The following HPS5 variants were observed in gnomAD, a reference collection of about 807,000 sequenced individuals.
HPS5 encodes the protein HPS5 biogenesis of lysosomal organelles complex 2 subunit 2.
HPS5 carries 83 observed loss-of-function variants against 128.0 expected under a neutral mutation model. The ratio of observed to expected loss-of-function variants is 0.65; its 90% CI spans 0.54 to 0.78. HPS5 has a LOEUF of 0.78. Among genes scored for constraint, HPS5 ranks in the 30% least tolerant of loss-of-function variants. The probability of loss-of-function intolerance (pLI) is 0.00; values close to 1 mark genes in which losing one functional copy is unlikely to be tolerated. For synonymous variants in HPS5, 475 were observed against 470.2 expected (o/e 1.01, Z -0.13); for missense variants, 1,281 against 1,326.2 (o/e 0.97, Z 0.53).
chr11:18,300,794 T>G, intron 9 of HPS5, 34 bp downstream of exon 9: 21 of 1,089,810 alleles, frequency 1.9e-5, no homozygotes, highest in Non-Finnish European at 2.7e-5. Context: ...TTCATAAGCA[T>G]GAGATTAAAA....
chr11:18,310,612 C>T, intron 5 of HPS5, 129 bp downstream of exon 5: 3 of 764,872 alleles, frequency 3.9e-6, no homozygotes, highest in Non-Finnish European at 6.4e-6. Flanking sequence ...TCCTCAAAAT[C>T]TCCAGGTTTG....
intron 21 of HPS5, among the ~76,000 whole-genome samples, chr11:18,283,291 C>T (rs571098944): frequency 1.3e-5 from 2 of 150,928 alleles, no homozygotes; most frequent in South Asian, 2.1e-4. Flanking sequence ...CGTGAGCCAC[C>T]GCGCCTGGCC....
chr11:18,283,794 C>T lies in HPS5; in HGVS notation c.3058+1G>A, dbSNP rs1447155421. On this transcript the variant is annotated splice_donor_variant, in intron 21 of 22. Transcript: ENST00000349215. LOFTEE classifies it high-confidence loss of function. ...AGAGTAACCAGTTAGGATTGACATA[C>T]CATTGTCCCCTTCCATCAGGCTCAT... 1.9e-6 allele frequency: 3 copies of T among 1,596,858 alleles called. No homozygotes were observed. Among genetic ancestry groups the T allele is most frequent in the Non-Finnish European group, 2.6e-6 (3 of 1,164,780 alleles).
rs1338715860 is a variant in HPS5 at position 18,298,946 on chromosome 11, C to T, written c.1010G>A (p.Arg337Lys). 6 of 1,614,072 alleles carry T rather than the reference C, an allele frequency of 3.7e-6. No homozygotes were observed. The highest frequency in any genetic ancestry group is 3.3e-5 in the Admixed American group (2 of 60,006). ...VKDIQDVAVC[R>K]NELFCLHLNG... ...TAGGTGCAAACAGAACAATTCATTC[C>T]TACAGACAGCCACATCCTGAATATC... Residue 337 changes from arginine to lysine, a missense_variant, in exon 10 of 23, where the codon AGG (arginine) becomes AAG (lysine). Transcript: ENST00000349215.
chr11:18,314,093 T>C (rs1863325831), intron 2 of HPS5, among the ~76,000 whole-genome samples: 1 of 152,134 alleles, frequency 6.6e-6, no homozygotes, highest in Non-Finnish European at 1.5e-5. Context: ...TACATGCCTG[T>C]AGTCCCAGCT....
At chr11:18,297,775 GC>G in intron 10 of HPS5, 58 bp from the exon 11 acceptor site, 4 of 1,520,054 alleles carry the variant, frequency 2.6e-6, no homozygotes, top group Non-Finnish European at 3.6e-6. Context: ...TATTCAAATG[GC>G]CAATATATTG....
chr11:18,286,646 C>A lies in HPS5; in HGVS notation c.2782G>T (p.Val928Leu). The A allele has an allele frequency of 6.2e-7, 1 of 1,614,088 alleles. No individual in the cohort carries two copies. Among genetic ancestry groups the A allele is most frequent in the Non-Finnish European group, 8.5e-7 (1 of 1,180,004 alleles). The change falls in exon 19 of 23, where the codon GTG becomes TTG. Residue 928 changes from valine to leucine, a missense_variant. Transcript: ENST00000349215. ...GTGCTTGGTGGAGCATCAAGGGACA[C>A]TGCCAAAAGCAGCCAATCCAACCTT... The part of the protein sequence containing the change: ...SLRLDWLLLA[V>L]SLDAPPSTST...
chr11:18,299,381 A>G (rs1056252579), intron 9 of HPS5, among the ~76,000 whole-genome samples: 2 of 152,230 alleles, frequency 1.3e-5, no homozygotes, highest in African/African-American at 4.8e-5. Flanking sequence ...CTTCAAGAAA[A>G]TATCTGTCTT....
At chr11:18,280,598 G>A (rs1438415300) in intron 22 of HPS5, 1 of 700,036 alleles carries the variant, frequency 1.4e-6, no homozygotes, top group Middle Eastern at 2.4e-4. Context: ...CATATTCATA[G>A]CAGCGTTATT....
At chr11:18,286,784 A>G in intron 18 of HPS5, 74 bp from the exon 19 acceptor site, 1 of 1,584,768 alleles carries the variant, frequency 6.3e-7, no homozygotes, top group Non-Finnish European at 8.6e-7. Context: ...GGGAGTGTGA[A>G]GAAAACCTGA....
chr11:18,309,314 A>C (rs1375911854), intron 5 of HPS5, among the ~76,000 whole-genome samples: 2 of 152,234 alleles, frequency 1.3e-5, no homozygotes, highest in Non-Finnish European at 2.9e-5. Flanking sequence ...GTGATTATCT[A>C]ATCTTAGAGG....
chr11:18,286,275 T>C (rs1239675744), intron 19 of HPS5, among the ~76,000 whole-genome samples: 1 of 152,196 alleles, frequency 6.6e-6, no homozygotes, highest in Admixed American at 6.5e-5. Flanking sequence ...CCAGGCACAG[T>C]GGCTCACGCC....
In HPS5 at chr11:18,282,142, T is replaced by C. The variant is rs774805059; in HGVS notation, c.3137A>G (p.Gln1046Arg). 2 of 1,614,130 alleles carry C rather than the reference T, an allele frequency of 1.2e-6. No homozygotes were observed. The highest frequency in any genetic ancestry group is 2.2e-5 in the South Asian group (2 of 91,076). Residue 1046 changes from glutamine to arginine, a missense_variant, in exon 22 of 23, where the codon CAG (glutamine) becomes CGG (arginine). By Grantham distance (43) the Gln-to-Arg change is conservative. Coordinates refer to ENST00000349215, the MANE Select transcript of HPS5 (RefSeq NM_181507.2). ...ACTGAGGCTCCCATTTAGTGACTCCTGGGGGGCTGGCCTCGTGCTCTTGCT... is the reference window on the plus strand; with the variant it reads ...ACTGAGGCTCCCATTTAGTGACTCCCGGGGGGCTGGCCTCGTGCTCTTGCT... ...IQSKSTRPAPQESLNGSLSDG... is the reference protein window; with the variant it reads ...IQSKSTRPAPRESLNGSLSDG...
At chr11:18,312,346 T>A (rs939465632) in intron 2 of HPS5, among the ~76,000 whole-genome samples, 1 of 152,338 alleles carries the variant, frequency 6.6e-6, no homozygotes, top group Non-Finnish European at 1.5e-5. Flanking sequence ...CAATGCTGAC[T>A]ACAACAATGG....
chr11:18,287,480 G>A, intron 18 of HPS5, 55 bp downstream of exon 18: 1 of 1,584,656 alleles, frequency 6.3e-7, no homozygotes, highest in Non-Finnish European at 8.7e-7. Context: ...TTATAAAAGA[G>A]AAACAATGCC....
chr11:18,297,327 T>C (rs1411936426), intron 11 of HPS5, among the ~76,000 whole-genome samples: 1 of 151,986 alleles, frequency 6.6e-6, no homozygotes, highest in African/African-American at 2.4e-5. Context: ...GCTATATGAG[T>C]ATATCAGGGA....
chr11:18,288,621 G>C (rs1421322137), intron 16 of HPS5, among the ~76,000 whole-genome samples: 2 of 151,980 alleles, frequency 1.3e-5, no homozygotes, highest in African/African-American at 4.8e-5. Context: ...TGAATCTAAA[G>C]TAAAGTGGGT....
intron 9 of HPS5, among the ~76,000 whole-genome samples, chr11:18,300,401 CTG>C (rs1861555583): frequency 6.6e-6 from 1 of 152,096 alleles, no homozygotes; most frequent in Admixed American, 6.6e-5. Flanking sequence ...AGAAACGTAA[CTG>C]GGCACGGTGG....
At chr11:18,304,435 T>A (rs1862108229) in intron 8 of HPS5, among the ~76,000 whole-genome samples, 1 of 152,156 alleles carries the variant, frequency 6.6e-6, no homozygotes, top group Non-Finnish European at 1.5e-5. Context: ...AGGCTAGTCT[T>A]GAACTCCCGA....
Sources: gnomAD v4.1 joint callset for allele counts (sites outside exome capture counted in the v4.1 genomes callset) on GRCh38, gnomAD v4.1.1 for gene constraint, MANE v1.5 for transcripts, NCBI Gene and HGNC (gene_info 2026-07-23, HGNC 2026-07-21) for gene names.